Variants in CNTNAP4 observed in about 807,000 individuals in gnomAD.
CNTNAP4 encodes contactin-associated protein-like 4.
Under a neutral mutation model 148.4 loss-of-function variants are expected in CNTNAP4, and 98 were observed. The ratio of observed to expected loss-of-function variants is 0.66; its 90% CI spans 0.56 to 0.78. The LOEUF is 0.78. Ranked by LOEUF, CNTNAP4 falls within the 30% of genes least tolerant of loss-of-function variation. CNTNAP4 has a pLI of 0.00. For synonymous variants in CNTNAP4, 730 were observed against 565.1 expected (o/e 1.29, Z -4.14); for missense variants, 1,935 against 1,565.6 (o/e 1.24, Z -3.98).
At chr16:76,369,002 CAG>C (rs2014483090) in intron 3 of CNTNAP4, among the ~76,000 whole-genome samples, 4 of 149,336 alleles carry the variant, frequency 2.7e-5, no homozygotes, top group African/African-American at 9.9e-5. Flanking sequence ...TTCTAAAAAA[CAG>C]TAAAAAATAA....
chr16:76,519,685 G>A (rs1308173612), intron 15 of CNTNAP4, among the ~76,000 whole-genome samples: 1 of 152,290 alleles, frequency 6.6e-6, no homozygotes, highest in East Asian at 1.9e-4. Context: ...CAAAGGTCTA[G>A]TACAGGAATA....
Position 76,301,864 on chromosome 16 carries a change from T to C in CNTNAP4, c.86-14549T>C, listed in dbSNP as rs1304735692. 2.6e-5 allele frequency among the ~76,000 whole-genome samples: 4 copies of C among 152,082 alleles called. 1 individual carries two copies. The South Asian group carries it at 8.3e-4, about 32-fold the overall frequency. ...GGAAAAATGAAGTGACAGGTTGGTT[T>C]TGCACAGGAATAATCAGAGTTCATG... is the stretch of plus-strand genomic sequence containing the variant. On this transcript the variant is annotated intron_variant, in intron 1 of 23. Transcript: ENST00000611870.
intron 21 of CNTNAP4, among the ~76,000 whole-genome samples, chr16:76,551,359 C>T (rs2084944417): frequency 6.6e-6 from 1 of 150,864 alleles, no homozygotes; most frequent in African/African-American, 2.4e-5. Flanking sequence ...GATCGTGCCA[C>T]ATCACTCCAG....
intron 1 of CNTNAP4, among the ~76,000 whole-genome samples, chr16:76,295,286 CA>C (rs1279136491): frequency 2.0e-4 from 30 of 152,144 alleles, no homozygotes; most frequent in Admixed American, 2.0e-3. Flanking sequence ...GAATGCACCA[CA>C]GTAGTGCAGA....
chr16:76,406,665 C>T (rs146193970), intron 3 of CNTNAP4, among the ~76,000 whole-genome samples: 5 of 152,120 alleles, frequency 3.3e-5, no homozygotes, highest in South Asian at 2.1e-4. Flanking sequence ...ATTGCTGATA[C>T]GAAGACAGTT....
At chr16:76,471,358 A>G (rs1294888254) in intron 10 of CNTNAP4, among the ~76,000 whole-genome samples, 1 of 152,146 alleles carries the variant, frequency 6.6e-6, no homozygotes, top group Non-Finnish European at 1.5e-5. Context: ...TATTAAAGGA[A>G]ATTGTTTAGT....
intron 12 of CNTNAP4, among the ~76,000 whole-genome samples, chr16:76,484,275 GAA>G (rs10622949): frequency 1.5e-4 from 11 of 71,240 alleles, no homozygotes; most frequent in Admixed American, 4.8e-4. Context: ...GGAGAGAAAT[GAA>G]AAAAAAAAAA....
chr16:76,294,961 G>A (rs1212409310), intron 1 of CNTNAP4, among the ~76,000 whole-genome samples: 1 of 152,128 alleles, frequency 6.6e-6, no homozygotes, highest in Non-Finnish European at 1.5e-5. Flanking sequence ...AAAATGTATT[G>A]TATTGTTTAA....
rs2081564465 is a variant in CNTNAP4, at chr16:76,476,051, C to CG, written c.1762+8dup. The CG allele has an allele frequency of 6.3e-7, 1 of 1,585,308 alleles. No individual in the cohort carries two copies. Among genetic ancestry groups the CG allele is most frequent in the South Asian group, 1.1e-5 (1 of 90,402 alleles). ...AGGAGCTACTTGCCATAACTGTAAG[C>CG]GGAACACATCTGCTTTTTCTTGCCC... On this transcript the variant is annotated splice_region_variant and intron_variant, in intron 11 of 23. Transcript: ENST00000611870.
intron 10 of CNTNAP4, among the ~76,000 whole-genome samples, chr16:76,474,139 G>A (rs2143593498): frequency 6.6e-6 from 1 of 152,244 alleles, no homozygotes; most frequent in Admixed American, 6.5e-5. Flanking sequence ...GTGAGATGAG[G>A]CCATCTGTGT....
intron 3 of CNTNAP4, among the ~76,000 whole-genome samples, chr16:76,404,616 T>G (rs1597437950): frequency 1.3e-5 from 2 of 152,296 alleles, no homozygotes; most frequent in Admixed American, 1.3e-4. Context: ...TAAATTGCTC[T>G]TAAGTTTCTT....
At chr16:76,372,571 G>T (rs1016881691) in intron 3 of CNTNAP4, among the ~76,000 whole-genome samples, 41 of 152,228 alleles carry the variant, frequency 2.7e-4, no homozygotes, top group Middle Eastern at 3.4e-3. Context: ...CTGGTAGTGA[G>T]TAAGTCTCAT....
chr16:76,465,158 G>T (rs1409518241), intron 9 of CNTNAP4, among the ~76,000 whole-genome samples: 1 of 152,146 alleles, frequency 6.6e-6, no homozygotes, highest in Non-Finnish European at 1.5e-5. Context: ...TATCCTCGGA[G>T]GTGCTTAACA....
At chr16:76,542,167 C>G (rs960457299) in intron 21 of CNTNAP4, among the ~76,000 whole-genome samples, 2 of 152,266 alleles carry the variant, frequency 1.3e-5, no homozygotes, top group South Asian at 2.1e-4. Flanking sequence ...TGGCTAGGCT[C>G]TCCCTTTGTT....
intron 3 of CNTNAP4, among the ~76,000 whole-genome samples, chr16:76,402,298 A>G (rs910911625): frequency 9.9e-5 from 15 of 151,252 alleles, no homozygotes; most frequent in African/African-American, 3.2e-4. Flanking sequence ...TAGCCATCTC[A>G]GGTTTTCTAG....
At chr16:76,480,063 C>T (rs1273163387) in intron 12 of CNTNAP4, among the ~76,000 whole-genome samples, 1 of 152,086 alleles carries the variant, frequency 6.6e-6, no homozygotes, top group Admixed American at 6.6e-5. Context: ...AATTTGAAAG[C>T]TTTTCCCATT....
At chr16:76,501,730 G>C (rs12929594) in intron 15 of CNTNAP4, among the ~76,000 whole-genome samples, 90,846 of 151,850 alleles carry the variant, frequency 0.6, 28,350 homozygotes, top group East Asian at 0.75. Context: ...CTAGAGCTTT[G>C]AACTACTGTG....
At chr16:76,308,595 A>G (rs1018852967) in intron 1 of CNTNAP4, among the ~76,000 whole-genome samples, 2 of 152,206 alleles carry the variant, frequency 1.3e-5, no homozygotes, top group Admixed American at 6.5e-5. Flanking sequence ...TATGGAAAGC[A>G]TAAGGACATT....
At chr16:76,441,136 G>A (rs905448214) in intron 4 of CNTNAP4, among the ~76,000 whole-genome samples, 39 of 152,178 alleles carry the variant, frequency 2.6e-4, no homozygotes, top group African/African-American at 8.7e-4. Flanking sequence ...ATACAAAAGC[G>A]GAACTCTGAA....
Sources: allele counts gnomAD v4.1 joint callset (sites outside exome capture counted in the v4.1 genomes callset), GRCh38; gene constraint gnomAD v4.1.1; transcripts MANE v1.5; gene names NCBI Gene and HGNC (gene_info 2026-07-23, HGNC 2026-07-21).